The following MYO10 variants were observed in gnomAD, a reference collection of about 807,000 sequenced individuals.
MYO10 encodes myosin X.
A neutral mutation model predicts 257.3 loss-of-function variants in MYO10; 133 were observed. That is an observed-to-expected ratio of 0.52 (90% CI 0.45 to 0.60). The LOEUF (loss-of-function observed/expected upper bound fraction) is 0.60, where lower values mean the gene tolerates loss of function less well. MYO10 is among the 20% of genes least tolerant of loss of function. The pLI, the probability that MYO10 is intolerant of heterozygous loss-of-function variation, is 0.00. For missense variants in MYO10, 2,399 were observed against 2,635.7 expected (o/e 0.91, Z 1.97); for synonymous variants, 1,104 against 1,028.6 (o/e 1.07, Z -1.40).
chr5:16,847,066 C>G (rs192888019), intron 2 of MYO10, among the ~76,000 whole-genome samples: 74 of 152,004 alleles, frequency 4.9e-4, no homozygotes, highest in South Asian at 3.5e-3. Context: ...TGCAGTAAGC[C>G]GAGATTGCAC....
Position 16,676,295 on chromosome 5 carries a change from A to G in MYO10, c.4543-141T>C. 3.2e-6 allele frequency: 3 copies of G among 947,554 alleles called. No individual in the cohort carries two copies. The South Asian group carries it at 4.9e-5, about 16-fold the overall frequency. The allele number at this position is 947,554 out of a possible 1,614,324, so 58.7% of individuals were successfully genotyped here. On this transcript the variant is annotated intron_variant, in intron 33 of 40. Coordinates refer to ENST00000513610, the MANE Select transcript of MYO10 (RefSeq NM_012334.3). ...GTGTTAGGTGGTTTCATGGACGAAGATACCCATAATCTGTGTTTGAAGACA... is the reference window on the plus strand; with the variant it reads ...GTGTTAGGTGGTTTCATGGACGAAGGTACCCATAATCTGTGTTTGAAGACA...
chr5:16,680,116 G>A lies in MYO10; in HGVS notation c.4385-12C>T, dbSNP rs1736920980. ...GACGTTCCAGTAGCCTGCAATGGCAGGGGTGCCCAGCACACGCACGTCAAC... is the reference window on the plus strand; with the variant it reads ...GACGTTCCAGTAGCCTGCAATGGCAAGGGTGCCCAGCACACGCACGTCAAC... On this transcript the variant is annotated splice_polypyrimidine_tract_variant and intron_variant, in intron 32 of 40. Transcript: ENST00000513610. 1 of 1,604,940 alleles carries A rather than the reference G, an allele frequency of 6.2e-7. No homozygotes were observed. Among genetic ancestry groups the A allele is most frequent in the East Asian group, 2.2e-5 (1 of 44,594 alleles).
At chr5:16,891,192 C>T (rs1561042258) in intron 1 of MYO10, among the ~76,000 whole-genome samples, 1 of 151,622 alleles carries the variant, frequency 6.6e-6, no homozygotes. Flanking sequence ...GAGGCTGAGG[C>T]AGGAGAATTG....
At chr5:16,779,243 G>A (rs56317467) in intron 9 of MYO10, among the ~76,000 whole-genome samples, 1 of 152,104 alleles carries the variant, frequency 6.6e-6, no homozygotes, top group African/African-American at 2.4e-5. Context: ...GATTTGGGGG[G>A]TTTTTTGGGG....
intron 3 of MYO10, chr5:16,815,587 G>A (rs981681996): frequency 3.2e-6 from 2 of 628,620 alleles, no homozygotes; most frequent in African/African-American, 3.7e-5. Flanking sequence ...CCAGGTGCCT[G>A]GCAGTGTCCT....
intron 2 of MYO10, among the ~76,000 whole-genome samples, chr5:16,870,340 A>G (rs1744417395): frequency 6.6e-6 from 1 of 151,404 alleles, no homozygotes; most frequent in East Asian, 1.9e-4. Flanking sequence ...CATTTTAAGT[A>G]ATTATGACCC....
chr5:16,675,660 C>T (rs1349615890), intron 34 of MYO10, among the ~76,000 whole-genome samples: 3 of 152,068 alleles, frequency 2.0e-5, no homozygotes, highest in African/African-American at 4.8e-5. Flanking sequence ...ACGACCTTAA[C>T]CTGGGAGGCA....
At chr5:16,765,290 C>T (rs915755122) in intron 11 of MYO10, among the ~76,000 whole-genome samples, 2 of 152,076 alleles carry the variant, frequency 1.3e-5, no homozygotes, top group East Asian at 1.9e-4. Context: ...CAGAAAAATG[C>T]GAAAAGGCGA....
chr5:16,885,000 T>A (rs903127855), intron 1 of MYO10, among the ~76,000 whole-genome samples: 1 of 152,118 alleles, frequency 6.6e-6, no homozygotes, highest in Non-Finnish European at 1.5e-5. Context: ...ACTTCAAAAA[T>A]CCCAACAGAT....
Position 16,676,024 on chromosome 5 carries a change from G to C in MYO10, c.4666+7C>G. 1 of 1,606,416 alleles carries C rather than the reference G, an allele frequency of 6.2e-7. No individual in the cohort carries two copies. Among genetic ancestry groups the C allele is most frequent in the Non-Finnish European group, 8.5e-7 (1 of 1,177,416 alleles). ...TCTGAGGAGTCGGGGTGGAGCTCTG[G>C]ACTTACAGTTGAGATTTATGTCCCC... On this transcript the variant is annotated splice_region_variant and intron_variant, in intron 34 of 40. Transcript: ENST00000513610.
At chr5:16,873,642 G>A (rs60153749) in intron 2 of MYO10, among the ~76,000 whole-genome samples, 2,268 of 152,342 alleles carry the variant, frequency 0.015, 37 homozygotes, top group African/African-American at 0.036. Context: ...GGGCATTCAG[G>A]CATTTCCACA....
At chr5:16,821,444 T>C (rs1333794673) in intron 2 of MYO10, among the ~76,000 whole-genome samples, 1 of 4,334 alleles carries the variant, frequency 2.3e-4, no homozygotes, top group African/African-American at 8.7e-4. Flanking sequence ...TCCTATTTTC[T>C]TTTTTTTTTT....
rs1746430760 is a variant in MYO10 at position 16,935,964 on chromosome 5, C to T, written c.-156G>A. 2.3e-6 allele frequency: 2 copies of T among 856,254 alleles called. No individual in the cohort carries two copies. The highest frequency in any genetic ancestry group is 3.4e-5 in the African/African-American group (2 of 58,936). 53.0% of individuals were successfully genotyped at this position (856,254 alleles called of 1,614,324 possible). ...TGCCATCGCCCGGTCCCTTCTTGTC[C>T]TTCTCACCTTTTGTTCGCCCAAACC... On this transcript the variant is annotated 5_prime_UTR_variant, in exon 1 of 41. Transcript: ENST00000513610.
At chr5:16,821,276 T>A (rs906426276) in intron 2 of MYO10, among the ~76,000 whole-genome samples, 8 of 148,892 alleles carry the variant, frequency 5.4e-5, no homozygotes, top group African/African-American at 1.5e-4. Context: ...TATGTGTACA[T>A]CCTATGTACA....
At position 16,717,573 on chromosome 5, in the gene MYO10, G is replaced by C. The variant is rs141053673; in HGVS notation, c.1930-6328C>G. Among the ~76,000 whole-genome samples the C allele has an allele frequency of 5.3e-5, 8 of 152,308 alleles. No homozygotes were observed. The East Asian group carries it at 1.5e-3, about 29-fold the overall frequency. On this transcript the variant is annotated intron_variant, in intron 19 of 40. Transcript: ENST00000513610. ...GAGTTCAGCCAAACATCTGCATATGGAAGCAACTAGAGAATAAAGAAGAGC... is the reference window on the plus strand; with the variant it reads ...GAGTTCAGCCAAACATCTGCATATGCAAGCAACTAGAGAATAAAGAAGAGC...
Position 16,666,370 on chromosome 5 carries a change from G to A in MYO10, c.*322C>T, listed in dbSNP as rs1402430387. 2 of 265,458 alleles carry A rather than the reference G, an allele frequency of 7.5e-6. No individual in the cohort carries two copies. The highest frequency in any genetic ancestry group is 5.2e-5 in the Admixed American group (1 of 19,240). The allele number at this position is 265,458 out of a possible 1,614,324, so 16.4% of individuals were successfully genotyped here. A position where few individuals can be genotyped will look rare whatever the true frequency, so the allele number is the denominator to read the frequency against. On this transcript the variant is annotated 3_prime_UTR_variant, in exon 41 of 41. Transcript: ENST00000513610. Reference sequence around the variant, plus strand: ...TCCCTTCAGTAGCACAGTTACGGTCGATTAGTGTTGGTTCCACAAGTTAAG... The same window carrying A: ...TCCCTTCAGTAGCACAGTTACGGTCAATTAGTGTTGGTTCCACAAGTTAAG...
chr5:16,744,559 C>T (rs896296927), intron 19 of MYO10, among the ~76,000 whole-genome samples: 6 of 152,032 alleles, frequency 3.9e-5, no homozygotes, highest in Non-Finnish European at 1.5e-5. Context: ...TCTCAGCAGG[C>T]GCGGCGCAGG....
At chr5:16,862,369 A>G (rs1744131426) in intron 2 of MYO10, among the ~76,000 whole-genome samples, 1 of 152,186 alleles carries the variant, frequency 6.6e-6, no homozygotes, top group Admixed American at 6.5e-5. Flanking sequence ...GGCCTAAAAA[A>G]TGCATTTTTG....
intron 2 of MYO10, among the ~76,000 whole-genome samples, chr5:16,874,680 G>A (rs888057111): frequency 6.6e-6 from 1 of 152,098 alleles, no homozygotes; most frequent in African/African-American, 2.4e-5. Flanking sequence ...CAGTATTTCT[G>A]TCAATGCTAT....
Sources: gnomAD v4.1 joint callset for allele counts (sites outside exome capture counted in the v4.1 genomes callset) on GRCh38, gnomAD v4.1.1 for gene constraint, MANE v1.5 for transcripts, NCBI Gene and HGNC (gene_info 2026-07-23, HGNC 2026-07-21) for gene names.